Variants in CSMD1 observed in about 807,000 individuals in gnomAD.
CSMD1 encodes CUB and Sushi multiple domains 1.
In CSMD1, 213 loss-of-function variants were observed where a neutral mutation model predicts 417.5. The ratio of observed to expected loss-of-function variants is 0.51; its 90% CI spans 0.46 to 0.57. The LOEUF is 0.57. CSMD1 is among the 20% of genes least tolerant of loss of function. CSMD1 has a pLI of 0.00. For synonymous variants in CSMD1, 2,862 were observed against 1,736.8 expected, an observed-to-expected ratio of 1.65 and a Z score of -16.11; for missense variants, 6,923 against 4,529.7, an observed-to-expected ratio of 1.53 and a Z score of -15.17.
At chr8:4,792,537 C>T (rs1159110240) in intron 1 of CSMD1, among the ~76,000 whole-genome samples, 2 of 152,134 alleles carry the variant, frequency 1.3e-5, no homozygotes, top group South Asian at 2.1e-4. Context: ...GGTGATCACG[C>T]ACCCATTCAG....
chr8:4,184,925 G>A (rs1798577048), intron 3 of CSMD1, among the ~76,000 whole-genome samples: 1 of 150,210 alleles, frequency 6.7e-6, no homozygotes, highest in South Asian at 2.1e-4. Flanking sequence ...ATCACCTGAG[G>A]TCAGGAGTTC....
chr8:3,784,727 T>C (rs1314748842), intron 5 of CSMD1, among the ~76,000 whole-genome samples: 1 of 152,218 alleles, frequency 6.6e-6, no homozygotes, highest in East Asian at 1.9e-4. Flanking sequence ...AAACAAATGG[T>C]GGCAGACACC....
intron 7 of CSMD1, among the ~76,000 whole-genome samples, chr8:3,626,718 T>C (rs979594774): frequency 6.6e-6 from 1 of 151,124 alleles, no homozygotes; most frequent in Non-Finnish European, 1.5e-5. Flanking sequence ...ATGTATTATG[T>C]AATTTATGGA....
intron 5 of CSMD1, among the ~76,000 whole-genome samples, chr8:3,808,512 G>A (rs562151034): frequency 1.1e-3 from 163 of 152,240 alleles, no homozygotes; most frequent in Admixed American, 0.011. Flanking sequence ...AAGACTAAGA[G>A]CATGCTACCG....
At chr8:3,014,047 T>A (rs1291237237) in intron 52 of CSMD1, among the ~76,000 whole-genome samples, 2 of 152,148 alleles carry the variant, frequency 1.3e-5, no homozygotes, top group Non-Finnish European at 2.9e-5. Flanking sequence ...TTGCAATTAT[T>A]TTATTTCTAC....
chr8:4,993,977 G>A (rs1811618816), intron 1 of CSMD1, among the ~76,000 whole-genome samples: 1 of 152,146 alleles, frequency 6.6e-6, no homozygotes, highest in Non-Finnish European at 1.5e-5. Flanking sequence ...ACCCCGACCC[G>A]TGGAGTCCAC....
intron 3 of CSMD1, among the ~76,000 whole-genome samples, chr8:4,187,344 G>T (rs530567208): frequency 1.3e-5 from 2 of 152,114 alleles, no homozygotes; most frequent in Non-Finnish European, 1.5e-5. Context: ...ACTGACACAG[G>T]TAAGCATTAA....
intron 6 of CSMD1, among the ~76,000 whole-genome samples, chr8:3,750,194 G>C (rs1049005786): frequency 6.6e-6 from 1 of 151,990 alleles, no homozygotes. Context: ...AACACTGACG[G>C]AATTTTTGTT....
At chr8:3,663,333 C>G (rs1043922468) in intron 7 of CSMD1, among the ~76,000 whole-genome samples, 7 of 152,102 alleles carry the variant, frequency 4.6e-5, no homozygotes, top group African/African-American at 1.7e-4. Context: ...AGGCATGGTG[C>G]GTTCTGTTTG....
At chr8:4,215,683 G>C (rs1002652800) in intron 3 of CSMD1, among the ~76,000 whole-genome samples, 10 of 152,048 alleles carry the variant, frequency 6.6e-5, no homozygotes, top group African/African-American at 2.4e-4. Context: ...TAAAAACACA[G>C]ACTTTAATAT....
At chr8:4,780,263 C>T (rs757809150) in intron 1 of CSMD1, among the ~76,000 whole-genome samples, 1 of 152,200 alleles carries the variant, frequency 6.6e-6, no homozygotes, top group Non-Finnish European at 1.5e-5. Context: ...TGCAGATTGG[C>T]ATGCTTTCTG....
intron 3 of CSMD1, among the ~76,000 whole-genome samples, chr8:4,074,699 C>T (rs1028128507): frequency 5.3e-5 from 8 of 151,830 alleles, no homozygotes; most frequent in African/African-American, 1.9e-4. Context: ...ATAAAGATGA[C>T]ATTGAGATTC....
chr8:3,519,447 A>C (rs1797411738), intron 10 of CSMD1, among the ~76,000 whole-genome samples: 1 of 152,172 alleles, frequency 6.6e-6, no homozygotes, highest in Admixed American at 6.5e-5. Context: ...AAGTTTCTTG[A>C]TCATCTGAGA....
chr8:4,196,796 A>C (rs1799365194), intron 3 of CSMD1, among the ~76,000 whole-genome samples: 1 of 152,170 alleles, frequency 6.6e-6, no homozygotes, highest in Non-Finnish European at 1.5e-5. Flanking sequence ...CAACCTATTC[A>C]CAGGCTCCAG....
intron 26 of CSMD1, among the ~76,000 whole-genome samples, chr8:3,264,156 CA>C (rs1333058385): frequency 2.6e-5 from 4 of 152,042 alleles, no homozygotes; most frequent in African/African-American, 9.7e-5. Context: ...CAGGTATGAA[CA>C]ATAAAAATCT....
chr8:4,059,976 CAG>C (rs1272653657), intron 3 of CSMD1, among the ~76,000 whole-genome samples: 3 of 152,060 alleles, frequency 2.0e-5, no homozygotes, highest in Admixed American at 6.6e-5. Context: ...CAAAGCCGGG[CAG>C]AGACACAGCC....
At chr8:3,614,094 C>T (rs918082811) in intron 8 of CSMD1, among the ~76,000 whole-genome samples, 1 of 151,950 alleles carries the variant, frequency 6.6e-6, no homozygotes, top group Non-Finnish European at 1.5e-5. Flanking sequence ...ATACACACAC[C>T]ATAGACGATA....
In CSMD1 at chr8:4,279,786, C is replaced by A. The variant is rs191700722; in HGVS notation, c.415+140167G>T. Among the ~76,000 whole-genome samples, 254 of 152,182 alleles carry A rather than the reference C, an allele frequency of 1.7e-3. 1 individual carries two copies. Among genetic ancestry groups the A allele is most frequent in the Middle Eastern group, 3.4e-3 (1 of 292 alleles). ...AACTCTACGTAAGATATGGAGGAGG[C>A]CAGGAGTGTTGGATTATGTCTTTTT... On this transcript the variant is annotated intron_variant, in intron 3 of 69. Transcript: ENST00000635120.
rs572620516 is a variant in CSMD1, at chr8:3,234,587, C to T, written c.4154-4356G>A. Among the ~76,000 whole-genome samples, 4 of 152,262 alleles carry T rather than the reference C, an allele frequency of 2.6e-5. No homozygotes were observed. The East Asian group carries it at 7.7e-4, about 29-fold the overall frequency. On this transcript the variant is annotated intron_variant, in intron 26 of 69. Transcript: ENST00000635120. ...TACCGGAAGGCCATTGCTGTACTTT[C>T]CCACTTTCCTCCCATCAGCTGCAAA...
Sources: gnomAD v4.1 joint callset for allele counts (sites outside exome capture counted in the v4.1 genomes callset) on GRCh38, gnomAD v4.1.1 for gene constraint, MANE v1.5 for transcripts, NCBI Gene and HGNC (gene_info 2026-07-23, HGNC 2026-07-21) for gene names.